The following GMPS variants were observed in gnomAD, a reference collection of about 807,000 sequenced individuals.
GMPS encodes GMP synthase [glutamine-hydrolyzing].
GMPS carries 15 observed loss-of-function variants against 77.9 expected under a neutral mutation model. The ratio of observed to expected loss-of-function variants is 0.19; its 90% CI spans 0.13 to 0.30. The LOEUF is 0.30. Among genes scored for constraint, GMPS ranks in the 10% least tolerant of loss-of-function variants. GMPS has a pLI of 1.00. For synonymous variants in GMPS, 224 were observed against 275.9 expected (o/e 0.81, Z 1.86); for missense variants, 590 against 838.8 (o/e 0.70, Z 3.66).
chr3:155,893,590 G>C lies in GMPS; in HGVS notation c.100G>C (p.Gly34Arg). Reference protein sequence around the residue: ...YEGAVVILDAGAQYGKVIDRR... With the variant: ...YEGAVVILDARAQYGKVIDRR... ...AGGAGCTGTTGTCATTCTGGATGCT[G>C]GTGCTCAGTACGGGAAAGTCATAGA... is the stretch of plus-strand genomic sequence containing the variant. Residue 34 changes from glycine (G) to arginine (R), a missense_variant, in exon 2 of 16, where the codon GGT (glycine) becomes CGT (arginine). This residue lies in a region of GMPS where 47 missense variants were observed against 45.5 expected (regional missense o/e 1.03). Coordinates refer to ENST00000496455, the MANE Select transcript of GMPS (RefSeq NM_003875.3). 1 of 1,612,194 alleles carries C rather than the reference G, an allele frequency of 6.2e-7. No individual in the cohort carries two copies. The highest frequency in any genetic ancestry group is 8.5e-7 in the Non-Finnish European group (1 of 1,178,332).
chr3:155,942,625 G>A lies in GMPS; in HGVS notation c.*4933G>A, dbSNP rs761790861. On this transcript the variant is annotated 3_prime_UTR_variant, in exon 16 of 16. Transcript: ENST00000496455. ...GTCAGACACTCCCAGGACCTGTTTG[G>A]TAATAATTAGGACAGCTGACATACT... The A allele has an allele frequency of 1.5e-4, 34 of 229,022 alleles. No homozygotes were observed. The highest frequency in any genetic ancestry group is 1.3e-3 in the Middle Eastern group (1 of 760). 14.2% of individuals were successfully genotyped at this position (229,022 alleles called of 1,614,324 possible).
intron 10 of GMPS, among the ~76,000 whole-genome samples, chr3:155,921,481 C>T (rs368089309): frequency 1.5e-4 from 23 of 152,106 alleles, no homozygotes; most frequent in African/African-American, 5.1e-4. Flanking sequence ...AAAATATTTA[C>T]TGGATAATTT....
chr3:155,910,673 G>T lies in GMPS; in HGVS notation c.527-19G>T. The T allele has an allele frequency of 2.2e-6, 3 of 1,336,334 alleles. No individual in the cohort carries two copies. The South Asian group carries it at 4.9e-5, about 22-fold the overall frequency. The allele number at this position is 1,336,334 out of a possible 1,614,324, so 82.8% of individuals were successfully genotyped here. On this transcript the variant is annotated intron_variant, in intron 5 of 15. Transcript: ENST00000496455. ...TCAGCATGAAAAAATTTTAATTTGT[G>T]ACTATTTTCTCTATAAAGGCATAGC...
At chr3:155,878,429 C>T (rs1337575991) in intron 1 of GMPS, among the ~76,000 whole-genome samples, 4 of 152,112 alleles carry the variant, frequency 2.6e-5, no homozygotes, top group African/African-American at 9.7e-5. Flanking sequence ...GTTGTTTTCA[C>T]TCTGAATATT....
chr3:155,911,746 G>A (rs1411316053), intron 7 of GMPS, among the ~76,000 whole-genome samples: 1 of 151,606 alleles, frequency 6.6e-6, no homozygotes, highest in East Asian at 1.9e-4. Flanking sequence ...GGCTGAGGCA[G>A]GAGAATCACT....
intron 11 of GMPS, 105 bp from the exon 12 acceptor site, chr3:155,925,136 A>G (rs1477263963): frequency 2.1e-6 from 2 of 971,458 alleles, no homozygotes; most frequent in South Asian, 1.7e-5. Flanking sequence ...ACCAAATACA[A>G]TCCACTGCTA....
At chr3:155,910,615 G>T in intron 5 of GMPS, 77 bp from the exon 6 acceptor site, 2 of 625,884 alleles carry the variant, frequency 3.2e-6, no homozygotes, top group East Asian at 2.9e-5. Context: ...CAGAGATTGT[G>T]AGAAATTAAT....
chr3:155,923,570 G>GA (rs898956524), intron 11 of GMPS, among the ~76,000 whole-genome samples: 5 of 152,280 alleles, frequency 3.3e-5, no homozygotes, highest in African/African-American at 1.2e-4. Context: ...AAATTATACT[G>GA]AAACAGTAAA....
intron 1 of GMPS, among the ~76,000 whole-genome samples, chr3:155,884,651 G>A (rs767714577): frequency 1.3e-5 from 2 of 152,072 alleles, no homozygotes; most frequent in Non-Finnish European, 2.9e-5. Flanking sequence ...CCTCAAATTA[G>A]AAGAAAAAGA....
chr3:155,917,459 AC>A (rs1371234095), intron 9 of GMPS, among the ~76,000 whole-genome samples: 1 of 152,112 alleles, frequency 6.6e-6, no homozygotes, highest in Non-Finnish European at 1.5e-5. Context: ...ATGTTTCACT[AC>A]TTTAAATACC....
chr3:155,910,919 T>A, intron 6 of GMPS, 34 bp downstream of exon 6: 1 of 1,398,736 alleles, frequency 7.1e-7, no homozygotes, highest in Non-Finnish European at 9.9e-7. Context: ...TCTACAAATT[T>A]ATATCAATAA....
intron 1 of GMPS, among the ~76,000 whole-genome samples, chr3:155,890,554 T>C (rs1754440260): frequency 6.6e-6 from 1 of 152,250 alleles, no homozygotes; most frequent in African/African-American, 2.4e-5. Context: ...TTTATTTCTT[T>C]GTAAAAAGCT....
chr3:155,890,381 TAGTC>T (rs1754436219), intron 1 of GMPS, among the ~76,000 whole-genome samples: 2 of 152,352 alleles, frequency 1.3e-5, no homozygotes, highest in African/African-American at 2.4e-5. Flanking sequence ...GCAATTTTAA[TAGTC>T]AGTGGGAAAA....
intron 1 of GMPS, among the ~76,000 whole-genome samples, chr3:155,875,497 T>C (rs1165313671): frequency 6.6e-6 from 1 of 152,234 alleles, no homozygotes; most frequent in Non-Finnish European, 1.5e-5. Context: ...CCCAAAGTGC[T>C]AAGATGATAG....
chr3:155,920,365 G>C (rs1462150359), intron 10 of GMPS, among the ~76,000 whole-genome samples: 1 of 152,014 alleles, frequency 6.6e-6, no homozygotes, highest in Non-Finnish European at 1.5e-5. Flanking sequence ...GGCGAAGAAT[G>C]GTCTGTGGAC....
intron 1 of GMPS, among the ~76,000 whole-genome samples, chr3:155,885,913 T>G (rs1446920906): frequency 6.6e-6 from 1 of 152,146 alleles, no homozygotes; most frequent in African/African-American, 2.4e-5. Context: ...TTCCGCCTCA[T>G]GGGTTCAAGT....
chr3:155,935,164 C>A (rs1266616234), intron 14 of GMPS, 118 bp downstream of exon 14: 8 of 744,394 alleles, frequency 1.1e-5, no homozygotes, highest in Non-Finnish European at 1.6e-5. Context: ...TTATTTAAAT[C>A]TTTGAATGTT....
chr3:155,927,941 G>GT (rs1321424518), intron 12 of GMPS, among the ~76,000 whole-genome samples: 1 of 138,310 alleles, frequency 7.2e-6, no homozygotes, highest in African/African-American at 2.7e-5. Context: ...AAACTGTTCT[G>GT]TTTTTTATTA....
chr3:155,923,824 G>A (rs958157728), intron 11 of GMPS, among the ~76,000 whole-genome samples: 1 of 152,048 alleles, frequency 6.6e-6, no homozygotes, highest in African/African-American at 2.4e-5. Context: ...TCTGAGATGG[G>A]ACCTGGGCAT....
Sources: gnomAD v4.1 joint callset for allele counts (sites outside exome capture counted in the v4.1 genomes callset) on GRCh38, gnomAD v4.1.1 for gene constraint, gnomAD v4.1.1 regional missense constraint, MANE v1.5 for transcripts, NCBI Gene and HGNC (gene_info 2026-07-23, HGNC 2026-07-21) for gene names.